The following ARHGAP6 variants were observed in gnomAD, a reference collection of about 807,000 sequenced individuals.
ARHGAP6 encodes Rho GTPase activating protein 6.
Under a neutral mutation model 55.7 loss-of-function variants are expected in ARHGAP6, and 16 were observed. The ratio of observed to expected loss-of-function variants is 0.29; its 90% CI spans 0.19 to 0.44. The LOEUF is 0.44. Among genes scored for constraint, ARHGAP6 ranks in the 20% least tolerant of loss-of-function variants. The pLI, the probability that ARHGAP6 is intolerant of heterozygous loss-of-function variation, is 1.00. For missense variants in ARHGAP6, 698 were observed against 808.9 expected (o/e 0.86, Z 1.66); for synonymous variants, 382 against 360.9 (o/e 1.06, Z -0.66).
chrX:11,488,935 C>T (rs1447535689), intron 1 of ARHGAP6, among the ~76,000 whole-genome samples: 2 of 111,774 alleles, frequency 1.8e-5, no homozygotes, highest in African/African-American at 6.5e-5. Flanking sequence ...CTCAACTCAA[C>T]GTTAAGCATT....
chrX:11,446,751 TAC>T (rs768394310), intron 1 of ARHGAP6, among the ~76,000 whole-genome samples: 26 of 112,348 alleles, frequency 2.3e-4, no homozygotes, highest in Non-Finnish European at 4.5e-4. Context: ...GTAAATACTT[TAC>T]AGAGACAATG....
intron 1 of ARHGAP6, among the ~76,000 whole-genome samples, chrX:11,433,664 G>A (rs886230072): frequency 3.6e-5 from 4 of 112,178 alleles, no homozygotes; most frequent in African/African-American, 1.3e-4. Context: ...TCTAAAGCCT[G>A]CAGAATTCCC....
chrX:11,535,101 T>G (rs1190933585), intron 1 of ARHGAP6, among the ~76,000 whole-genome samples: 1 of 111,724 alleles, frequency 9.0e-6, no homozygotes. Flanking sequence ...TTTATTGCAA[T>G]AAGAGCTGGT....
intron 1 of ARHGAP6, among the ~76,000 whole-genome samples, chrX:11,301,263 C>T (rs1159538671): frequency 9.0e-6 from 1 of 111,665 alleles, no homozygotes; most frequent in Non-Finnish European, 1.9e-5. Flanking sequence ...ATTTGTTTTC[C>T]TCAAAAAATG....
chrX:11,356,194 A>G (rs1385915804), intron 1 of ARHGAP6, among the ~76,000 whole-genome samples: 1 of 110,208 alleles, frequency 9.1e-6, no homozygotes, highest in Non-Finnish European at 1.9e-5. Context: ...GTTCTCACTC[A>G]TAAGTGGGAG....
chrX:11,491,886 A>AT (rs1354178677), intron 1 of ARHGAP6, among the ~76,000 whole-genome samples: 5 of 107,690 alleles, frequency 4.6e-5, no homozygotes, highest in Admixed American at 2.0e-4. Context: ...TTGTTTCCTG[A>AT]TTTTTTAATG....
At chrX:11,341,007 T>C (rs769964311) in intron 1 of ARHGAP6, among the ~76,000 whole-genome samples, 2 of 88,266 alleles carry the variant, frequency 2.3e-5, no homozygotes, top group East Asian at 7.0e-4. Context: ...TGCCAGAGCC[T>C]GAGGGTGAAA....
At chrX:11,313,740 T>G (rs144499254) in intron 1 of ARHGAP6, among the ~76,000 whole-genome samples, 217 of 112,502 alleles carry the variant, frequency 1.9e-3, no homozygotes, top group African/African-American at 6.6e-3. Flanking sequence ...CACTGTATTT[T>G]TATAATCTAG....
At chrX:11,502,178 C>T (rs1238836150) in intron 1 of ARHGAP6, among the ~76,000 whole-genome samples, 2 of 112,504 alleles carry the variant, frequency 1.8e-5, no homozygotes, top group African/African-American at 6.5e-5. Context: ...ATGAAAAGTA[C>T]ATTAATTACA....
At chrX:11,470,116 G>A (rs1265857908) in intron 1 of ARHGAP6, among the ~76,000 whole-genome samples, 2 of 111,852 alleles carry the variant, frequency 1.8e-5, no homozygotes, top group African/African-American at 6.5e-5. Context: ...ACTGTAAGTG[G>A]ACATTGTACC....
Position 11,182,009 on chromosome X carries a change from G to A in ARHGAP6, c.1329+54C>T, listed in dbSNP as rs1049329370. Reference sequence around the variant, plus strand: ...TGCATAAACTTGAACTTTGCAAAAGGTAATTCAATTGAAAGTCATGTGAAA... The same window carrying A: ...TGCATAAACTTGAACTTTGCAAAAGATAATTCAATTGAAAGTCATGTGAAA... On this transcript the variant is annotated intron_variant, in intron 6 of 12. Transcript: ENST00000337414. 13 of 1,009,988 alleles carry A rather than the reference G, an allele frequency of 1.3e-5. No individual in the cohort carries two copies. The African/African-American group carries it at 1.7e-4, about 13-fold the overall frequency. 83.2% of individuals were successfully genotyped at this position (1,009,988 alleles called of 1,213,427 possible).
intron 1 of ARHGAP6, among the ~76,000 whole-genome samples, chrX:11,412,660 G>C (rs1268232510): frequency 2.7e-5 from 3 of 111,879 alleles, no homozygotes; most frequent in African/African-American, 9.8e-5. Context: ...ATTAATGAAG[G>C]GATATTGTAC....
At chrX:11,381,799 A>G (rs903429354) in intron 1 of ARHGAP6, among the ~76,000 whole-genome samples, 2 of 112,294 alleles carry the variant, frequency 1.8e-5, no homozygotes, top group East Asian at 5.5e-4. Context: ...AGAAGGCAGT[A>G]CGAACCACTT....
chrX:11,385,000 C>T (rs2049311381), intron 1 of ARHGAP6, among the ~76,000 whole-genome samples: 1 of 112,117 alleles, frequency 8.9e-6, no homozygotes, highest in Admixed American at 9.5e-5. Flanking sequence ...CATAAGAAAA[C>T]ACTGTAAGAA....
chrX:11,248,361 T>G (rs2047379176), intron 2 of ARHGAP6, among the ~76,000 whole-genome samples: 1 of 111,728 alleles, frequency 9.0e-6, no homozygotes, highest in Non-Finnish European at 1.9e-5. Context: ...CCATTTAAAA[T>G]TTAGAAAAAT....
At chrX:11,562,896 T>C (rs1317345174) in intron 1 of ARHGAP6, among the ~76,000 whole-genome samples, 1 of 112,388 alleles carries the variant, frequency 8.9e-6, no homozygotes, top group Non-Finnish European at 1.9e-5. Flanking sequence ...TTTATGTTAA[T>C]TTGATTCACC....
At chrX:11,398,419 T>C (rs919078216) in intron 1 of ARHGAP6, among the ~76,000 whole-genome samples, 2 of 111,036 alleles carry the variant, frequency 1.8e-5, no homozygotes, top group African/African-American at 3.3e-5. Context: ...CTTTTCAGAG[T>C]TTAAACAAAT....
chrX:11,233,360 A>G (rs1247526562), intron 2 of ARHGAP6, among the ~76,000 whole-genome samples: 1 of 111,630 alleles, frequency 9.0e-6, no homozygotes, highest in African/African-American at 3.3e-5. Context: ...AATGCGCATT[A>G]AATCAGATAT....
At chrX:11,237,440 G>A (rs966090889) in intron 2 of ARHGAP6, among the ~76,000 whole-genome samples, 4 of 111,956 alleles carry the variant, frequency 3.6e-5, no homozygotes, top group Non-Finnish European at 5.6e-5. Context: ...CCAGCCTCTT[G>A]AGGAAAGTGG....
Sources: gnomAD v4.1 joint callset for allele counts (sites outside exome capture counted in the v4.1 genomes callset) on GRCh38, gnomAD v4.1.1 for gene constraint, MANE v1.5 for transcripts, NCBI Gene and HGNC (gene_info 2026-07-23, HGNC 2026-07-21) for gene names.